The following RHOC variants were observed in gnomAD, a reference collection of about 807,000 sequenced individuals.
RHOC encodes ras homolog family member C, also known as rho-related GTP-binding protein RhoC.
RHOC carries 13 observed loss-of-function variants against 19.5 expected under a neutral mutation model. That is an observed-to-expected ratio of 0.67 (90% confidence interval 0.43 to 1.06). The LOEUF (loss-of-function observed/expected upper bound fraction) is 1.06, where lower values mean the gene tolerates loss of function less well. Ranked by LOEUF, RHOC falls within the 50% of genes least tolerant of loss-of-function variation. The pLI, the probability that RHOC is intolerant of heterozygous loss-of-function variation, is 0.00. For synonymous variants in RHOC, 106 were observed against 97.3 expected (o/e 1.09, Z -0.52); for missense variants, 173 against 256.9 (o/e 0.67, Z 2.23).
At chr1:112,704,619 A>G (rs1200735109) in intron 2 of RHOC, 2 of 177,648 alleles carry the variant, frequency 1.1e-5, no homozygotes, top group Admixed American at 5.4e-5. Context: ...GGAGAGCAGA[A>G]GCAGGGAAAC....
At chr1:112,703,311 G>A (rs1674725289) in intron 3 of RHOC, 192 bp from the exon 4 acceptor site, 1 of 740,162 alleles carries the variant, frequency 1.4e-6, no homozygotes, top group African/African-American at 1.7e-5. Context: ...AGACGTGTTT[G>A]ACCCTTGAGT....
intron 1 of RHOC, among the ~76,000 whole-genome samples, chr1:112,706,480 A>AC (rs1557780720): frequency 0.024 from 180 of 7,410 alleles, 11 homozygotes; most frequent in South Asian, 0.081. Flanking sequence ...ACACACACAC[A>AC]CACACACACA....
chr1:112,705,028 C>T (rs1674790793), intron 2 of RHOC, 72 bp downstream of exon 2: 4 of 689,884 alleles, frequency 5.8e-6, no homozygotes, highest in African/African-American at 1.8e-5. Context: ...GCACACACAG[C>T]GAGCATCTGC....
intron 3 of RHOC, 128 bp downstream of exon 3, chr1:112,703,515 AC>A: frequency 2.4e-6 from 2 of 848,304 alleles, no homozygotes; most frequent in Non-Finnish European, 1.9e-6. Context: ...TTACTTCCTA[AC>A]TTTTACTGGT....
rs1026539182 is a variant in RHOC at position 112,703,437 on chromosome 1, G to A, written c.156+207C>T. ...CTTAAACCCAGAGGCAAAGGGACTC[G>A]GCCCAGGTTACAGAGCCAGTCTGTG... is the stretch of plus-strand genomic sequence containing the variant. On this transcript the variant is annotated intron_variant, in intron 3 of 5. Coordinates refer to ENST00000339083, the MANE Select transcript of RHOC (RefSeq NM_175744.5). The A allele has an allele frequency of 4.6e-5, 33 of 722,504 alleles. 1 individual carries two copies. The highest frequency in any genetic ancestry group is 4.9e-5 in the Non-Finnish European group (20 of 404,838). The allele number at this position is 722,504 out of a possible 1,614,324, so 44.8% of individuals were successfully genotyped here.
Position 112,705,161 on chromosome 1 carries a change from A to T in RHOC, c.-69T>A. 2.8e-6 allele frequency: 2 copies of T among 702,396 alleles called. No individual in the cohort carries two copies. The highest frequency in any genetic ancestry group is 2.0e-5 in the Admixed American group (1 of 49,998). The allele number at this position is 702,396 out of a possible 1,614,324, so 43.5% of individuals were successfully genotyped here. A position where few individuals can be genotyped will look rare whatever the true frequency, so the allele number is the denominator to read the frequency against. ...AGGGCGGGCTCTGGAGCTGAGATGA[A>T]GTCAAGGCTGTTGGGAAGGGGGAGG... On this transcript the variant is annotated 5_prime_UTR_variant, in exon 2 of 6. Transcript: ENST00000339083.
At chr1:112,706,993 C>T (rs1674918938) in intron 1 of RHOC, 85 bp downstream of exon 1, 1 of 152,074 alleles carries the variant, frequency 6.6e-6, no homozygotes, top group African/African-American at 2.4e-5. Flanking sequence ...GGGCCCCGAT[C>T]TCCGGGCCAG....
intron 4 of RHOC, 83 bp downstream of exon 4, chr1:112,702,916 G>A: frequency 1.4e-6 from 2 of 1,442,770 alleles, no homozygotes; most frequent in Non-Finnish European, 1.9e-6. Context: ...CCCCACCTCT[G>A]AAGATGACTG....
chr1:112,704,928 G>A, intron 2 of RHOC, 172 bp downstream of exon 2: 1 of 620,950 alleles, frequency 1.6e-6, no homozygotes, highest in Non-Finnish European at 2.9e-6. Flanking sequence ...TCCTCCCTCA[G>A]TCCAGCTCAC....
At chr1:112,705,061 C>T (rs1158637466) in intron 2 of RHOC, 39 bp downstream of exon 2, 1 of 702,654 alleles carries the variant, frequency 1.4e-6, no homozygotes, top group Non-Finnish European at 2.6e-6. Flanking sequence ...ACCTTCGCAG[C>T]TTCCCTCACT....
At chr1:112,701,995 C>T (rs140789648) in intron 5 of RHOC, among the ~76,000 whole-genome samples, 131 of 152,288 alleles carry the variant, frequency 8.6e-4, no homozygotes, top group Middle Eastern at 3.4e-3. Context: ...CTGCCTCCAT[C>T]CTCACTCTCT....
intron 2 of RHOC, 166 bp downstream of exon 2, chr1:112,704,934 C>T (rs1277177794): frequency 1.6e-6 from 1 of 625,556 alleles, no homozygotes; most frequent in Non-Finnish European, 2.9e-6. Context: ...CTCAGTCCAG[C>T]TCACCCGCAT....
intron 2 of RHOC, 133 bp downstream of exon 2, chr1:112,704,967 A>T: frequency 1.6e-6 from 1 of 642,082 alleles, no homozygotes; most frequent in Admixed American, 2.2e-5. Flanking sequence ...CCTCCCTGTG[A>T]CTCAGGGCAA....
Position 112,705,520 on chromosome 1 carries a change from G to T in RHOC, c.-76-352C>A, listed in dbSNP as rs1248653769. Reference sequence around the variant, plus strand: ...GTGGACATGAGTCAGAGAATTTACAGGAGTTCAAAGTACACAGCCACACTC... The same window carrying T: ...GTGGACATGAGTCAGAGAATTTACATGAGTTCAAAGTACACAGCCACACTC... On this transcript the variant is annotated intron_variant, in intron 1 of 5. Coordinates refer to ENST00000339083, the MANE Select transcript of RHOC (RefSeq NM_175744.5). 3 of 503,056 alleles carry T rather than the reference G, an allele frequency of 6.0e-6. No individual in the cohort carries two copies. In the East Asian group the frequency reaches 1.6e-4, roughly 26 times the overall value. The allele number at this position is 503,056 out of a possible 1,614,324, so 31.2% of individuals were successfully genotyped here.
rs750535130 is a variant in RHOC at position 112,701,417 on chromosome 1, T to TG, written c.*122dup. 2.3e-5 allele frequency: 37 copies of TG among 1,598,364 alleles called. No homozygotes were observed. Among genetic ancestry groups the TG allele is most frequent in the Non-Finnish European group, 3.1e-5 (36 of 1,172,424 alleles). ...TCGGGGCTAGAAAACAATGCAGTCCTGGGCAGGAGGGAACTGAAAATGGGA... is the reference window on the plus strand; with the variant it reads ...TCGGGGCTAGAAAACAATGCAGTCCTGGGGCAGGAGGGAACTGAAAATGGGA... On this transcript the variant is annotated 3_prime_UTR_variant, in exon 6 of 6. Transcript: ENST00000339083.
At chr1:112,703,242 G>A in intron 3 of RHOC, 123 bp from the exon 4 acceptor site, 1 of 1,034,248 alleles carries the variant, frequency 9.7e-7, no homozygotes, top group Non-Finnish European at 1.4e-6. Flanking sequence ...CTATGCACCA[G>A]GCATTATATT....
At chr1:112,702,811 C>T in intron 4 of RHOC, 118 bp from the exon 5 acceptor site, 1 of 1,446,324 alleles carries the variant, frequency 6.9e-7, no homozygotes, top group Non-Finnish European at 9.5e-7. Flanking sequence ...TGGTCCCTTT[C>T]ACAGCTCAAA....
At chr1:112,705,417 C>G (rs1001391725) in intron 1 of RHOC, 2 of 601,920 alleles carry the variant, frequency 3.3e-6, no homozygotes, top group African/African-American at 3.7e-5. Context: ...TACTCCAGCC[C>G]CAGGCCTCTT....
chr1:112,706,373 G>C (rs563947985), intron 1 of RHOC: 2 of 150,802 alleles, frequency 1.3e-5, no homozygotes, highest in South Asian at 4.2e-4. Context: ...CTCTTTCTTG[G>C]TTCGAGTATG....
Sources: gnomAD v4.1 joint callset for allele counts (sites outside exome capture counted in the v4.1 genomes callset) on GRCh38, gnomAD v4.1.1 for gene constraint, MANE v1.5 for transcripts, NCBI Gene and HGNC (gene_info 2026-07-23, HGNC 2026-07-21) for gene names.